RANBP2: variants seen among roughly 807,000 people sequenced by gnomAD.
The protein encoded by RANBP2 is E3 SUMO-protein ligase RanBP2.
RANBP2 carries 57 observed loss-of-function variants against 303.6 expected under a neutral mutation model. The observed-to-expected ratio is 0.19, with a 90% CI of 0.15 to 0.23. RANBP2 has a LOEUF of 0.23. RANBP2 is among the 10% of genes least tolerant of loss of function. RANBP2 has a pLI of 1.00. For synonymous variants in RANBP2, 1,167 were observed against 1,301.5 expected (o/e 0.90, Z 2.23); for missense variants, 3,138 against 3,780.8 (o/e 0.83, Z 4.46).
the RANBP2 span, among the ~76,000 whole-genome samples, chr2:109,507,216 T>C: frequency 2.0e-5 from 3 of 152,142 alleles, no homozygotes; most frequent in Non-Finnish European, 2.9e-5. Context: ...TGCCCTGAGA[T>C]GCCAGCTGAG....
At chr2:109,618,028 AAAAAAG>A in the RANBP2 span, 1 of 166,904 alleles carries the variant, frequency 6.0e-6, no homozygotes, top group Non-Finnish European at 1.5e-5. Flanking sequence ...AAAAAAAAAA[AAAAAAG>A]ATGAATGAAA....
the RANBP2 span, among the ~76,000 whole-genome samples, chr2:109,286,967 T>C: frequency 6.6e-6 from 1 of 152,214 alleles, no homozygotes; most frequent in Non-Finnish European, 1.5e-5. Flanking sequence ...TCCGCCATCC[T>C]CCACAGACTG....
the RANBP2 span, among the ~76,000 whole-genome samples, chr2:109,539,521 G>A: frequency 1.3e-5 from 2 of 150,218 alleles, no homozygotes; most frequent in African/African-American, 4.9e-5. Flanking sequence ...TTGGCTCACT[G>A]CAACCTCTGC....
chr2:109,604,083 A>C, the RANBP2 span, among the ~76,000 whole-genome samples: 1 of 149,332 alleles, frequency 6.7e-6, no homozygotes, highest in Non-Finnish European at 1.5e-5. Flanking sequence ...AATGGTGTGA[A>C]CCTGGGAGGT....
chr2:108,753,341 A>G, intron 13 of RANBP2, 85 bp from the exon 14 acceptor site: 10 of 1,601,546 alleles, frequency 6.2e-6, no homozygotes, highest in Non-Finnish European at 7.7e-6. Flanking sequence ...TTGTCTCTTA[A>G]GATCATATAA....
the RANBP2 span, among the ~76,000 whole-genome samples, chr2:109,048,488 T>C: frequency 2.6e-5 from 4 of 152,204 alleles, no homozygotes; most frequent in African/African-American, 9.7e-5. Context: ...ATGCAACCTA[T>C]TGACCTTTCC....
chr2:109,565,279 A>G, the RANBP2 span, among the ~76,000 whole-genome samples: 16 of 152,358 alleles, frequency 1.1e-4, no homozygotes, highest in South Asian at 2.1e-4. Context: ...AATTAGCACT[A>G]TAAGTAAATG....
the RANBP2 span, among the ~76,000 whole-genome samples, chr2:109,305,647 G>C: frequency 0.3 from 46,255 of 152,154 alleles, 8,520 homozygotes; most frequent in African/African-American, 0.52. Context: ...TGGGCCTCAT[G>C]TGCACTCAGC....
At chr2:109,177,556 G>T in the RANBP2 span, among the ~76,000 whole-genome samples, 221 of 152,086 alleles carry the variant, frequency 1.5e-3, 1 homozygote, top group African/African-American at 4.5e-3. Context: ...CTCTGGGGGG[G>T]GGCACCATTC....
At chr2:109,241,638 C>T in the RANBP2 span, among the ~76,000 whole-genome samples, 1 of 152,176 alleles carries the variant, frequency 6.6e-6, no homozygotes, top group Non-Finnish European at 1.5e-5. Context: ...CTGGGACTCT[C>T]TGTCTCCCCG....
chr2:109,721,471 A>T, the RANBP2 span, among the ~76,000 whole-genome samples: 1 of 152,218 alleles, frequency 6.6e-6, no homozygotes, highest in South Asian at 2.1e-4. Flanking sequence ...GTATCAGAGC[A>T]GAGACAGAAT....
At chr2:109,727,231 C>T in the RANBP2 span, among the ~76,000 whole-genome samples, 36 of 152,250 alleles carry the variant, frequency 2.4e-4, no homozygotes, top group Non-Finnish European at 2.9e-4. Flanking sequence ...AAAACAACAA[C>T]GAACTGTTTA....
At chr2:109,498,507 C>T in the RANBP2 span, among the ~76,000 whole-genome samples, 2,858 of 152,334 alleles carry the variant, frequency 0.019, 99 homozygotes, top group African/African-American at 0.065. Context: ...ATGGCTTCTG[C>T]GCCCCAGGCT....
chr2:109,374,452 ATCGGAAAG>A, the RANBP2 span, among the ~76,000 whole-genome samples: 1 of 152,216 alleles, frequency 6.6e-6, no homozygotes, highest in Non-Finnish European at 1.5e-5. Context: ...ATCCTGGTGG[ATCGGAAAG>A]TCCTGGTTTG....
At chr2:108,839,329 A>G in the RANBP2 span, 6 of 1,574,074 alleles carry the variant, frequency 3.8e-6, no homozygotes, top group South Asian at 2.3e-5. Flanking sequence ...ATTTATCTAT[A>G]AGTAATACTC....
At chr2:108,914,497 G>A in the RANBP2 span, among the ~76,000 whole-genome samples, 1 of 152,080 alleles carries the variant, frequency 6.6e-6, no homozygotes, top group South Asian at 2.1e-4. Context: ...TATGGAAAAA[G>A]TGTGACTTAG....
the RANBP2 span, among the ~76,000 whole-genome samples, chr2:109,348,749 C>T: frequency 6.6e-6 from 1 of 152,124 alleles, no homozygotes; most frequent in African/African-American, 2.4e-5. Context: ...CCTCCTGCTT[C>T]CCCTTCCTCC....
the RANBP2 span, among the ~76,000 whole-genome samples, chr2:109,628,504 A>AAAT: frequency 2.2e-5 from 2 of 91,804 alleles, no homozygotes; most frequent in Non-Finnish European, 5.4e-5. Context: ...AAAAAATAAT[A>AAAT]AATAAATAAA....
At chr2:109,085,386 C>G in the RANBP2 span, among the ~76,000 whole-genome samples, 2 of 152,172 alleles carry the variant, frequency 1.3e-5, no homozygotes, top group Non-Finnish European at 2.9e-5. Flanking sequence ...TCACTGCAAT[C>G]TCCGCCTCCT....
Sources: allele counts gnomAD v4.1 joint callset (sites outside exome capture counted in the v4.1 genomes callset), GRCh38; gene constraint gnomAD v4.1.1; transcripts MANE v1.5; gene names NCBI Gene and HGNC (gene_info 2026-07-23, HGNC 2026-07-21).